MAP6: variants seen among roughly 807,000 people sequenced by gnomAD.
The protein encoded by MAP6 is microtubule associated protein 6.
In MAP6, 26 loss-of-function variants were observed where a neutral mutation model predicts 42.4. The ratio of observed to expected loss-of-function variants is 0.61; its 90% CI spans 0.45 to 0.85. The LOEUF is 0.85. Among genes scored for constraint, MAP6 ranks in the 40% least tolerant of loss-of-function variants. The probability of loss-of-function intolerance (pLI) is 0.00; values close to 1 mark genes in which losing one functional copy is unlikely to be tolerated. For missense variants in MAP6, 966 were observed against 1,099.0 expected, an observed-to-expected ratio of 0.88 and a Z score of 1.71; for synonymous variants, 418 against 443.8, an observed-to-expected ratio of 0.94 and a Z score of 0.73.
At chr11:75,644,820 T>C (rs1453802325) in intron 1 of MAP6, among the ~76,000 whole-genome samples, 1 of 152,072 alleles carries the variant, frequency 6.6e-6, no homozygotes, top group Non-Finnish European at 1.5e-5. Context: ...TAAGCTCCCC[T>C]CTCCCCCACA....
intron 1 of MAP6, among the ~76,000 whole-genome samples, chr11:75,619,338 T>C (rs1943065514): frequency 6.6e-6 from 1 of 152,248 alleles, no homozygotes; most frequent in Non-Finnish European, 1.5e-5. Context: ...TAAATCTTTT[T>C]TTAAAATCTG....
intron 1 of MAP6, among the ~76,000 whole-genome samples, chr11:75,610,511 T>C (rs1213143040): frequency 3.3e-5 from 5 of 152,126 alleles, no homozygotes; most frequent in Admixed American, 3.3e-4. Flanking sequence ...TGGGCTCACA[T>C]TTAGTGGGGA....
At chr11:75,596,072 T>C (rs1387999216) in intron 3 of MAP6, 1 of 152,274 alleles carries the variant, frequency 6.6e-6, no homozygotes, top group Non-Finnish European at 1.5e-5. Context: ...TATTTTTAAC[T>C]TAGCACCTTT....
Position 75,608,297 on chromosome 11 carries a change from T to C in MAP6, c.931A>G (p.Ile311Val). 1 of 1,614,208 alleles carries C rather than the reference T, an allele frequency of 6.2e-7. No homozygotes were observed. Among genetic ancestry groups the C allele is most frequent in the African/African-American group, 1.3e-5 (1 of 75,060 alleles). The change falls in exon 2 of 4, where the codon ATC becomes GTC. Residue 311 changes from isoleucine to valine, a missense_variant. Ile to Val is a conservative substitution (Grantham distance 29). Coordinates refer to ENST00000304771, the MANE Select transcript of MAP6 (RefSeq NM_033063.2). Reference protein sequence around the residue: ...YRNEFRAWTDIKPVKPIKAKP... With the variant: ...YRNEFRAWTDVKPVKPIKAKP... ...GCCTTTATTGGTTTCACAGGCTTGA[T>C]GTCCGTCCATGCCCTGAATTCATTC...
chr11:75,659,257 G>GGATCACCCGAGGTCAGGAGTTCGA (rs1565281908), intron 1 of MAP6, among the ~76,000 whole-genome samples: 2 of 152,146 alleles, frequency 1.3e-5, no homozygotes, highest in Non-Finnish European at 2.9e-5. Flanking sequence ...TGAAGCAGGG[G>GGATCACCCGAGGTCAGGAGTTCGA]GATCACCCGA....
intron 1 of MAP6, among the ~76,000 whole-genome samples, chr11:75,613,433 C>T (rs920235969): frequency 6.6e-6 from 1 of 152,170 alleles, no homozygotes; most frequent in Non-Finnish European, 1.5e-5. Flanking sequence ...CCTGGGTGTA[C>T]ACCACAGTGA....
chr11:75,666,891 A>T (rs77562234), intron 1 of MAP6, among the ~76,000 whole-genome samples: 2,121 of 152,272 alleles, frequency 0.014, 46 homozygotes, highest in African/African-American at 0.049. Context: ...AAGGACAATG[A>T]CTTCAAAGTT....
intron 1 of MAP6, among the ~76,000 whole-genome samples, chr11:75,655,302 A>G (rs1181065035): frequency 6.6e-6 from 1 of 152,186 alleles, no homozygotes; most frequent in Non-Finnish European, 1.5e-5. Flanking sequence ...GCCCTGAAGG[A>G]TAGAAAGGAT....
intron 3 of MAP6, 195 bp downstream of exon 3, chr11:75,605,613 T>C (rs1407280179): frequency 1.4e-6 from 2 of 1,379,916 alleles, no homozygotes; most frequent in African/African-American, 1.5e-5. Flanking sequence ...GGAGGAGGCC[T>C]GCCACTCAGT....
At chr11:75,597,889 C>T (rs1942609402) in intron 3 of MAP6, among the ~76,000 whole-genome samples, 1 of 152,208 alleles carries the variant, frequency 6.6e-6, no homozygotes, top group South Asian at 2.1e-4. Flanking sequence ...TGTGTAGCTC[C>T]AGCTGCCATA....
At chr11:75,593,856 T>G (rs1302240977) in intron 3 of MAP6, among the ~76,000 whole-genome samples, 3 of 152,240 alleles carry the variant, frequency 2.0e-5, no homozygotes, top group Non-Finnish European at 4.4e-5. Context: ...TGACTGGGCT[T>G]GAGGCCCAGA....
At chr11:75,641,088 T>A (rs1040690864) in intron 1 of MAP6, among the ~76,000 whole-genome samples, 1 of 152,182 alleles carries the variant, frequency 6.6e-6, no homozygotes, top group African/African-American at 2.4e-5. Flanking sequence ...CCAACCCAAA[T>A]GTCCAGCAAT....
intron 1 of MAP6, among the ~76,000 whole-genome samples, chr11:75,655,794 G>T (rs1435903961): frequency 6.6e-6 from 1 of 152,230 alleles, no homozygotes; most frequent in Non-Finnish European, 1.5e-5. Flanking sequence ...GCAGGGGCCT[G>T]CTGGAGCTGC....
chr11:75,603,027 A>T (rs1192364874), intron 3 of MAP6: 8 of 985,664 alleles, frequency 8.1e-6, no homozygotes, highest in Non-Finnish European at 2.4e-6. Context: ...TGTGCGCTAC[A>T]TGTTACATAG....
intron 1 of MAP6, chr11:75,636,195 T>G (rs1455580864): frequency 6.6e-6 from 1 of 152,208 alleles, no homozygotes; most frequent in Admixed American, 6.5e-5. Context: ...CCCAACAACC[T>G]TGGGATATAA....
At chr11:75,590,916 G>A (rs1942466349) in intron 3 of MAP6, among the ~76,000 whole-genome samples, 2 of 151,988 alleles carry the variant, frequency 1.3e-5, no homozygotes, top group East Asian at 3.9e-4. Context: ...GCAGTGAGCT[G>A]AGATCACACC....
At chr11:75,657,694 G>A (rs1943774623) in intron 1 of MAP6, among the ~76,000 whole-genome samples, 1 of 152,162 alleles carries the variant, frequency 6.6e-6, no homozygotes, top group South Asian at 2.1e-4. Context: ...GAAGCTCTAG[G>A]GGAGAATACT....
At chr11:75,603,077 G>C (rs80080519) in intron 3 of MAP6, 3 of 985,538 alleles carry the variant, frequency 3.0e-6, no homozygotes, top group South Asian at 4.7e-5. Context: ...CCACAAAATC[G>C]TAATTAGACA....
At chr11:75,622,527 G>C (rs141704532) in intron 1 of MAP6, among the ~76,000 whole-genome samples, 127 of 152,344 alleles carry the variant, frequency 8.3e-4, no homozygotes, top group Non-Finnish European at 1.5e-3. Context: ...TATACTGCAA[G>C]AGTCAACATT....
Sources: allele counts gnomAD v4.1 joint callset (sites outside exome capture counted in the v4.1 genomes callset), GRCh38; gene constraint gnomAD v4.1.1; transcripts MANE v1.5; gene names NCBI Gene and HGNC (gene_info 2026-07-23, HGNC 2026-07-21).